The following GRXCR1 variants were observed in gnomAD, a reference collection of about 807,000 sequenced individuals.
GRXCR1 encodes glutaredoxin and cysteine rich domain containing 1.
GRXCR1 carries 27 observed loss-of-function variants against 27.3 expected under a neutral mutation model. The observed-to-expected ratio is 0.99, with a 90% CI of 0.73 to 1.37. The LOEUF is 1.37. Ranked by LOEUF, GRXCR1 falls within the 40% of genes most tolerant of loss-of-function variation. The pLI, the probability that GRXCR1 is intolerant of heterozygous loss-of-function variation, is 0.00. For synonymous variants in GRXCR1, 122 were observed against 131.1 expected, an observed-to-expected ratio of 0.93 and a Z score of 0.47; for missense variants, 379 against 354.4, an observed-to-expected ratio of 1.07 and a Z score of -0.56.
chr4:42,918,321 G>A (rs1560648790), intron 1 of GRXCR1, among the ~76,000 whole-genome samples: 2 of 152,056 alleles, frequency 1.3e-5, no homozygotes, highest in Non-Finnish European at 2.9e-5. Context: ...CCTCCCATGA[G>A]GCCACTCTTA....
At chr4:42,900,996 T>C (rs910987546) in intron 1 of GRXCR1, among the ~76,000 whole-genome samples, 1 of 152,136 alleles carries the variant, frequency 6.6e-6, no homozygotes, top group Non-Finnish European at 1.5e-5. Flanking sequence ...TGCACAATGC[T>C]TGTGGCGCAT....
intron 1 of GRXCR1, among the ~76,000 whole-genome samples, chr4:42,953,515 A>G (rs1317938146): frequency 2.0e-5 from 3 of 152,208 alleles, no homozygotes. Context: ...TCTTCACATG[A>G]TTACAGCCCC....
chr4:42,893,749 C>A, intron 1 of GRXCR1, 99 bp downstream of exon 1: 1 of 1,095,830 alleles, frequency 9.1e-7, no homozygotes, highest in Non-Finnish European at 1.4e-6. Flanking sequence ...TTATTTGCAA[C>A]TCCTACATGC....
At chr4:42,978,737 G>A (rs1441756921) in intron 2 of GRXCR1, among the ~76,000 whole-genome samples, 3 of 152,012 alleles carry the variant, frequency 2.0e-5, no homozygotes, top group African/African-American at 7.2e-5. Flanking sequence ...AGATTAAACT[G>A]CTTGCAAACA....
At chr4:42,904,954 T>C (rs1746552561) in intron 1 of GRXCR1, among the ~76,000 whole-genome samples, 1 of 152,162 alleles carries the variant, frequency 6.6e-6, no homozygotes, top group South Asian at 2.1e-4. Context: ...TCAGATAACA[T>C]TTTTAAAATT....
chr4:42,991,904 C>A (rs1259408019), intron 2 of GRXCR1, among the ~76,000 whole-genome samples: 1 of 152,100 alleles, frequency 6.6e-6, no homozygotes, highest in Non-Finnish European at 1.5e-5. Context: ...TCTACAAGAA[C>A]AAGTGTTGTT....
At chr4:42,995,888 G>T (rs1712140158) in intron 2 of GRXCR1, among the ~76,000 whole-genome samples, 1 of 152,188 alleles carries the variant, frequency 6.6e-6, no homozygotes, top group Admixed American at 6.5e-5. Flanking sequence ...CTTAGAAGTT[G>T]TTCAGTGCAA....
intron 1 of GRXCR1, among the ~76,000 whole-genome samples, chr4:42,927,150 G>T (rs187648695): frequency 9.9e-5 from 15 of 151,922 alleles, no homozygotes; most frequent in Admixed American, 8.5e-4. Flanking sequence ...CAGGATTCAG[G>T]GATGGCCTAG....
At chr4:42,927,978 G>A (rs1243302458) in intron 1 of GRXCR1, among the ~76,000 whole-genome samples, 3 of 152,134 alleles carry the variant, frequency 2.0e-5, no homozygotes, top group African/African-American at 7.2e-5. Flanking sequence ...AGTTACTGCT[G>A]TAGACAGCTA....
chr4:42,963,097 C>T lies in GRXCR1; in HGVS notation c.590C>T (p.Ser197Phe). The T allele has an allele frequency of 6.2e-7, 1 of 1,612,798 alleles. No individual in the cohort carries two copies. Among genetic ancestry groups the T allele is most frequent in the Non-Finnish European group, 8.5e-7 (1 of 1,179,030 alleles). Residue 197 changes from serine (S) to phenylalanine (F), a missense_variant, in exon 2 of 4, where the codon TCC becomes TTC. Physicochemically the swap from Ser to Phe is radical, Grantham distance 155. Transcript: ENST00000399770. ...TGCCGACGAGTTTCTGAAGCTCCTTCCCTCCCTGTTGTGTTCATTGATGGC... is the reference window on the plus strand; with the variant it reads ...TGCCGACGAGTTTCTGAAGCTCCTTTCCTCCCTGTTGTGTTCATTGATGGC... ...ERCRRVSEAP[S>F]LPVVFIDGHY...
intron 2 of GRXCR1, among the ~76,000 whole-genome samples, chr4:43,011,509 G>A (rs915714455): frequency 9.9e-5 from 15 of 152,140 alleles, no homozygotes; most frequent in African/African-American, 3.6e-4. Context: ...TTAGACCTAG[G>A]GGTGGTAAGA....
rs185375729 is a variant in GRXCR1 at position 42,964,744 on chromosome 4, G to A, written c.627+1610G>A. The stretch of plus-strand genomic sequence containing the variant: ...GGTATAGTTTTAGGACCACAAACAG[G>A]TCTTAATGCAAAGTAAGTTTTCAAA... On this transcript the variant is annotated intron_variant, in intron 2 of 3. Coordinates refer to ENST00000399770, the MANE Select transcript of GRXCR1 (RefSeq NM_001080476.3). Among the ~76,000 whole-genome samples, 11 of 150,736 alleles carry A rather than the reference G, an allele frequency of 7.3e-5. No individual in the cohort carries two copies. The South Asian group carries it at 1.7e-3, about 23-fold the overall frequency.
At chr4:43,002,851 A>G (rs1712420102) in intron 2 of GRXCR1, among the ~76,000 whole-genome samples, 1 of 152,214 alleles carries the variant, frequency 6.6e-6, no homozygotes, top group Admixed American at 6.5e-5. Flanking sequence ...TTGAATGATG[A>G]TATGGTTTGA....
In GRXCR1 at chr4:42,993,949, A is replaced by G. The variant is rs184136885; in HGVS notation, c.628-26405A>G. On this transcript the variant is annotated intron_variant, in intron 2 of 3. Coordinates refer to ENST00000399770, the MANE Select transcript of GRXCR1 (RefSeq NM_001080476.3). ...AACGAGTGTAGAAGAAAATCGACCCAAGCACTGTGATCGTAAGTCATTATT... is the reference window on the plus strand; with the variant it reads ...AACGAGTGTAGAAGAAAATCGACCCGAGCACTGTGATCGTAAGTCATTATT... 1.6e-3 allele frequency among the ~76,000 whole-genome samples: 251 copies of G among 152,246 alleles called. 1 individual carries two copies. Among genetic ancestry groups the G allele is most frequent in the African/African-American group, 5.8e-3 (242 of 41,566 alleles).
At chr4:42,945,377 A>G (rs1343211508) in intron 1 of GRXCR1, among the ~76,000 whole-genome samples, 1 of 152,188 alleles carries the variant, frequency 6.6e-6, no homozygotes, top group African/African-American at 2.4e-5. Flanking sequence ...AATCATGGAT[A>G]TGGCACGAAA....
At chr4:42,930,539 G>T (rs1250310822) in intron 1 of GRXCR1, among the ~76,000 whole-genome samples, 1 of 151,946 alleles carries the variant, frequency 6.6e-6, no homozygotes, top group African/African-American at 2.4e-5. Context: ...TCTGGCATCT[G>T]AATCACAGTG....
intron 2 of GRXCR1, among the ~76,000 whole-genome samples, chr4:43,018,775 T>C (rs368110620): frequency 6.6e-6 from 1 of 152,168 alleles, no homozygotes; most frequent in South Asian, 2.1e-4. Flanking sequence ...TTAAAAGAAA[T>C]AGAATATAGC....
chr4:42,938,056 C>G (rs1486264453), intron 1 of GRXCR1, among the ~76,000 whole-genome samples: 1 of 151,946 alleles, frequency 6.6e-6, no homozygotes, highest in Non-Finnish European at 1.5e-5. Flanking sequence ...CACTGACCAT[C>G]CAAATTTCCC....
At chr4:42,925,662 G>T (rs73240022) in intron 1 of GRXCR1, among the ~76,000 whole-genome samples, 25,447 of 151,932 alleles carry the variant, frequency 0.17, 2,418 homozygotes, top group South Asian at 0.29. Context: ...CTTCTTCACA[G>T]TTAGAAATGA....
Sources: gnomAD v4.1 joint callset for allele counts (sites outside exome capture counted in the v4.1 genomes callset) on GRCh38, gnomAD v4.1.1 for gene constraint, MANE v1.5 for transcripts, NCBI Gene and HGNC (gene_info 2026-07-23, HGNC 2026-07-21) for gene names.